FIG4: variants seen among roughly 807,000 people sequenced by gnomAD.
FIG4 encodes FIG4 phosphoinositide 5-phosphatase, also known as polyphosphoinositide phosphatase.
Under a neutral mutation model 118.6 loss-of-function variants are expected in FIG4, and 112 were observed. That is an observed-to-expected ratio of 0.94 (90% CI 0.81 to 1.11). The LOEUF (loss-of-function observed/expected upper bound fraction) is 1.11, where lower values mean the gene tolerates loss of function less well. Among genes scored for constraint, FIG4 ranks in the 50% least tolerant of loss-of-function variants. FIG4 has a pLI of 0.00. For synonymous variants in FIG4, 369 were observed against 381.2 expected (o/e 0.97, Z 0.37); for missense variants, 969 against 1,111.7 (o/e 0.87, Z 1.83).
At chr6:109,737,216 A>T (rs185694035) in intron 6 of FIG4, among the ~76,000 whole-genome samples, 1 of 152,262 alleles carries the variant, frequency 6.6e-6, no homozygotes, top group African/African-American at 2.4e-5. Flanking sequence ...CTGATAAGAA[A>T]TGGAGTGAGG....
intron 22 of FIG4, among the ~76,000 whole-genome samples, chr6:109,821,421 G>T (rs1779003460): frequency 6.6e-6 from 1 of 152,092 alleles, no homozygotes; most frequent in Non-Finnish European, 1.5e-5. Flanking sequence ...AAAGAACAGA[G>T]CAAAATAACA....
intron 1 of FIG4, among the ~76,000 whole-genome samples, chr6:109,712,906 TTTTTTCTTTTATCCTA>T (rs1775308857): frequency 6.6e-6 from 1 of 152,194 alleles, no homozygotes; most frequent in Admixed American, 6.5e-5. Context: ...TATATGGCCT[TTTTTTCTTTTATCCTA>T]TTTGATGACC....
Position 109,707,721 on chromosome 6 carries a change from T to A in FIG4, c.67-7357T>A, listed in dbSNP as rs376219129. On this transcript the variant is annotated intron_variant, in intron 1 of 22. Coordinates refer to ENST00000230124, the MANE Select transcript of FIG4 (RefSeq NM_014845.6). The stretch of plus-strand genomic sequence containing the variant: ...TAATATCGAAAGACTTGTTTGTTAT[T>A]TAGTTGCTTTGTGTATCTACACCTT... Among the ~76,000 whole-genome samples, 7 of 151,940 alleles carry A rather than the reference T, an allele frequency of 4.6e-5. No individual in the cohort carries two copies. In the East Asian group the frequency reaches 7.7e-4, roughly 17 times the overall value.
intron 15 of FIG4, among the ~76,000 whole-genome samples, chr6:109,768,998 C>T (rs1337193780): frequency 6.6e-6 from 1 of 152,154 alleles, no homozygotes; most frequent in East Asian, 1.9e-4. Flanking sequence ...GTACATATCC[C>T]TCAGGGTGTA....
intron 10 of FIG4, among the ~76,000 whole-genome samples, chr6:109,754,631 C>T (rs1266585280): frequency 6.6e-6 from 1 of 152,084 alleles, no homozygotes; most frequent in Non-Finnish European, 1.5e-5. Context: ...TGTTATTGGT[C>T]TATTCAGAGA....
intron 8 of FIG4, 147 bp downstream of exon 8, chr6:109,741,691 G>A (rs1776328449): frequency 1.4e-6 from 1 of 698,522 alleles, no homozygotes; most frequent in Non-Finnish European, 2.6e-6. Flanking sequence ...TATCAACAAG[G>A]GATTGGTTCT....
At chr6:109,795,983 A>G (rs1778276672) in intron 21 of FIG4, among the ~76,000 whole-genome samples, 1 of 152,212 alleles carries the variant, frequency 6.6e-6, no homozygotes, top group South Asian at 2.1e-4. Context: ...CTTGAAGGAA[A>G]GACAGATCCA....
intron 2 of FIG4, among the ~76,000 whole-genome samples, chr6:109,715,528 C>T (rs1775404088): frequency 1.3e-5 from 2 of 152,126 alleles, no homozygotes; most frequent in South Asian, 4.1e-4. Flanking sequence ...TCTTTAATAT[C>T]AAGCTACTTG....
chr6:109,716,470 G>C lies in FIG4; in HGVS notation c.191G>C (p.Arg64Thr). Reference sequence around the variant, plus strand: ...CATGTCTATACTCAACAAGAAGTAAGGGAACTTCTTGGCCGCTTGGATCTT... The same window carrying C: ...CATGTCTATACTCAACAAGAAGTAACGGAACTTCTTGGCCGCTTGGATCTT... ...DRHVYTQQEVRELLGRLDLGN... is the reference protein window; with the variant it reads ...DRHVYTQQEVTELLGRLDLGN... Residue 64 changes from arginine to threonine, a missense_variant, in exon 3 of 23, where the codon AGG (arginine) becomes ACG (threonine). Coordinates refer to ENST00000230124, the MANE Select transcript of FIG4 (RefSeq NM_014845.6). The C allele has an allele frequency of 6.2e-7, 1 of 1,613,460 alleles. No homozygotes were observed. Among genetic ancestry groups the C allele is most frequent in the South Asian group, 1.1e-5 (1 of 91,054 alleles).
At chr6:109,751,535 A>G (rs978599473) in intron 10 of FIG4, among the ~76,000 whole-genome samples, 5 of 151,366 alleles carry the variant, frequency 3.3e-5, no homozygotes, top group Admixed American at 2.0e-4. Context: ...CTGTGAATCT[A>G]TCTGGTACTG....
intron 4 of FIG4, among the ~76,000 whole-genome samples, chr6:109,730,289 T>G (rs924201708): frequency 3.3e-5 from 5 of 152,140 alleles, no homozygotes; most frequent in Non-Finnish European, 1.5e-5. Context: ...GCTCAAACAG[T>G]TCTCCCACCT....
At chr6:109,781,396 C>G (rs1777797879) in intron 16 of FIG4, among the ~76,000 whole-genome samples, 1 of 152,178 alleles carries the variant, frequency 6.6e-6, no homozygotes, top group South Asian at 2.1e-4. Flanking sequence ...GAACAACACT[C>G]TCCTCTGTGT....
At chr6:109,708,304 T>A (rs1775151182) in intron 1 of FIG4, among the ~76,000 whole-genome samples, 1 of 152,128 alleles carries the variant, frequency 6.6e-6, no homozygotes, top group Non-Finnish European at 1.5e-5. Context: ...TGCAAAGGAC[T>A]TTTTTATGGC....
chr6:109,699,892 C>T (rs755930629), intron 1 of FIG4, among the ~76,000 whole-genome samples: 6 of 152,176 alleles, frequency 3.9e-5, no homozygotes, highest in Admixed American at 2.0e-4. Flanking sequence ...ACGATTTTCA[C>T]AGTTTGGAGG....
intron 10 of FIG4, among the ~76,000 whole-genome samples, chr6:109,757,783 A>G (rs916000489): frequency 2.6e-5 from 4 of 152,244 alleles, no homozygotes; most frequent in African/African-American, 9.6e-5. Flanking sequence ...TACAAAATCA[A>G]TGTGCAAAAA....
rs1006172288 is a variant in FIG4, at chr6:109,746,712, G to A, written c.1137+2940G>A. On this transcript the variant is annotated intron_variant, in intron 10 of 22. Coordinates refer to ENST00000230124, the MANE Select transcript of FIG4 (RefSeq NM_014845.6). ...CATTAAACATCTTGCATGGTTGAGA[G>A]GATCATTGTCAGATTTATGTTTTGA... Among the ~76,000 whole-genome samples, 3 of 152,084 alleles carry A rather than the reference G, an allele frequency of 2.0e-5. No homozygotes were observed. In the South Asian group the frequency reaches 6.2e-4, roughly 31 times the overall value.
At chr6:109,711,529 CT>C (rs766699583) in intron 1 of FIG4, among the ~76,000 whole-genome samples, 33 of 151,460 alleles carry the variant, frequency 2.2e-4, no homozygotes, top group African/African-American at 7.0e-4. Context: ...CATTCTTTGT[CT>C]TTTTTTTTAA....
intron 22 of FIG4, among the ~76,000 whole-genome samples, chr6:109,816,046 C>A (rs1778854103): frequency 6.6e-6 from 1 of 152,136 alleles, no homozygotes; most frequent in East Asian, 1.9e-4. Context: ...ATCCAAGGCC[C>A]CATTGCTAGA....
chr6:109,760,527 A>G (rs978215860), intron 11 of FIG4, 144 bp downstream of exon 11: 6 of 759,346 alleles, frequency 7.9e-6, no homozygotes, highest in East Asian at 7.6e-5. Flanking sequence ...GAGTGCATCA[A>G]GAAACTAACC....
Sources: allele counts gnomAD v4.1 joint callset (sites outside exome capture counted in the v4.1 genomes callset), GRCh38; gene constraint gnomAD v4.1.1; transcripts MANE v1.5; gene names NCBI Gene and HGNC (gene_info 2026-07-23, HGNC 2026-07-21).